Variants in ZSCAN23 observed in about 807,000 individuals in gnomAD.
ZSCAN23 encodes the protein zinc finger and SCAN domain containing 23, also known as zinc finger and SCAN domain-containing protein 23.
ZSCAN23 carries 19 observed loss-of-function variants against 19.3 expected under a neutral mutation model. The observed-to-expected ratio is 0.99, with a 90% CI of 0.69 to 1.45. The LOEUF is 1.45. Ranked by LOEUF, ZSCAN23 falls within the 40% of genes most tolerant of loss-of-function variation. The probability of loss-of-function intolerance (pLI) is 0.00; values close to 1 mark genes in which losing one functional copy is unlikely to be tolerated. For synonymous variants in ZSCAN23, 140 were observed against 166.2 expected (o/e 0.84, Z 1.21); for missense variants, 372 against 462.5 (o/e 0.80, Z 1.79).
At chr6:28,425,062 G>C in the ZSCAN23 span, among the ~76,000 whole-genome samples, 1 of 152,098 alleles carries the variant, frequency 6.6e-6, no homozygotes, top group Non-Finnish European at 1.5e-5. Flanking sequence ...TTGATCTGTG[G>C]GCTGTGGAAT....
Position 28,436,322 on chromosome 6 carries a change from T to A in ZSCAN23, c.-56A>T. On this transcript the variant is annotated 5_prime_UTR_variant, in exon 2 of 4. Transcript: ENST00000289788. The stretch of plus-strand genomic sequence containing the variant: ...ATTCTTGATAATTCTCCCTTGATCT[T>A]TTCTTCTGGAAACCCCGAGATCTAG... 2.2e-6 allele frequency: 3 copies of A among 1,384,032 alleles called. No individual in the cohort carries two copies. Among genetic ancestry groups the A allele is most frequent in the East Asian group, 2.7e-5 (1 of 37,470 alleles). 85.7% of individuals were successfully genotyped at this position (1,384,032 alleles called of 1,614,324 possible). A position where few individuals can be genotyped will look rare whatever the true frequency, so the allele number is the denominator to read the frequency against.
intron 1 of ZSCAN23, among the ~76,000 whole-genome samples, chr6:28,440,646 G>A (rs1174854112): frequency 6.6e-6 from 1 of 152,112 alleles, no homozygotes; most frequent in East Asian, 1.9e-4. Context: ...GTCCGAAAAT[G>A]TCTTTTTCTT....
downstream of ZSCAN23, among the ~76,000 whole-genome samples, chr6:28,428,928 A>G (rs1761703626): frequency 6.6e-6 from 1 of 152,160 alleles, no homozygotes; most frequent in African/African-American, 2.4e-5. Flanking sequence ...TAAACTTTAA[A>G]TTCCTCAGCA....
At chr6:28,431,426 C>A (rs1226502640), downstream of ZSCAN23, among the ~76,000 whole-genome samples, 1 of 152,116 alleles carries the variant, frequency 6.6e-6, no homozygotes, top group African/African-American at 2.4e-5. Context: ...CCAGATTGGA[C>A]AATAAATTAT....
rs533079463 is a variant in ZSCAN23, at chr6:28,435,089, G to A, written c.557-11C>T. 5.1e-4 allele frequency: 774 copies of A among 1,511,810 alleles called. 1 individual carries two copies. Among genetic ancestry groups the A allele is most frequent in the Non-Finnish European group, 6.7e-4 (751 of 1,128,754 alleles). 93.6% of individuals were successfully genotyped at this position (1,511,810 alleles called of 1,614,324 possible). A position where few individuals can be genotyped will look rare whatever the true frequency, so the allele number is the denominator to read the frequency against. Reference sequence around the variant, plus strand: ...TCCCAGCCTTGCCATCTAAAATAACGATAACATGAAAGATAACATGAAGTA... The same window carrying A: ...TCCCAGCCTTGCCATCTAAAATAACAATAACATGAAAGATAACATGAAGTA... On this transcript the variant is annotated splice_polypyrimidine_tract_variant and intron_variant, in intron 3 of 3. Coordinates refer to ENST00000289788, the MANE Select transcript of ZSCAN23 (RefSeq NM_001012455.2).
downstream of ZSCAN23, among the ~76,000 whole-genome samples, chr6:28,427,586 T>G (rs1422311931): frequency 6.6e-6 from 1 of 152,164 alleles, no homozygotes; most frequent in Admixed American, 6.5e-5. Context: ...TATTTGTATA[T>G]CTAAACATAT....
intron 1 of ZSCAN23, among the ~76,000 whole-genome samples, chr6:28,436,784 G>A (rs1469440116): frequency 6.6e-6 from 1 of 152,144 alleles, no homozygotes; most frequent in African/African-American, 2.4e-5. Flanking sequence ...CGTAAGAAAT[G>A]CACTTGGAGA....
At chr6:28,424,913 G>A in the ZSCAN23 span, among the ~76,000 whole-genome samples, 17 of 152,286 alleles carry the variant, frequency 1.1e-4, no homozygotes, top group Admixed American at 3.3e-4. Context: ...GTTCTTAATT[G>A]CATCTAGAAT....
At chr6:28,429,160 A>G (rs1308513316), downstream of ZSCAN23, among the ~76,000 whole-genome samples, 8 of 152,090 alleles carry the variant, frequency 5.3e-5, no homozygotes, top group Admixed American at 4.6e-4. Context: ...AGTTATCTTT[A>G]ACGTTCCACC....
chr6:28,431,392 C>T (rs1761759219), downstream of ZSCAN23, among the ~76,000 whole-genome samples: 1 of 152,152 alleles, frequency 6.6e-6, no homozygotes, highest in Non-Finnish European at 1.5e-5. Flanking sequence ...TTATTAACAG[C>T]ACTCCTTTTC....
intron 1 of ZSCAN23, among the ~76,000 whole-genome samples, chr6:28,437,095 T>C (rs566190495): frequency 6.6e-6 from 1 of 152,366 alleles, no homozygotes; most frequent in South Asian, 2.1e-4. Context: ...ATTTTTCTTA[T>C]GTTATTGTAT....
At chr6:28,435,730 G>C (rs1761869526) in intron 2 of ZSCAN23, 123 bp from the exon 3 acceptor site, 3 of 1,423,970 alleles carry the variant, frequency 2.1e-6, no homozygotes, top group Non-Finnish European at 2.8e-6. Flanking sequence ...CAGAGGCAGA[G>C]AGACTAAAAG....
At chr6:28,423,867 TA>T in the ZSCAN23 span, among the ~76,000 whole-genome samples, 13 of 146,884 alleles carry the variant, frequency 8.9e-5, no homozygotes, top group African/African-American at 7.5e-5. Flanking sequence ...AGTGTGAAGG[TA>T]AAAAAAAAAA....
the ZSCAN23 span, among the ~76,000 whole-genome samples, chr6:28,421,633 C>G: frequency 6.6e-6 from 1 of 152,142 alleles, no homozygotes; most frequent in Non-Finnish European, 1.5e-5. Flanking sequence ...TTTGATCAAG[C>G]CTGTACATTA....
downstream of ZSCAN23, among the ~76,000 whole-genome samples, chr6:28,428,702 G>A (rs941778164): frequency 1.3e-5 from 2 of 152,086 alleles, no homozygotes; most frequent in Admixed American, 6.6e-5. Context: ...TTTCTAGAAA[G>A]CTAGTAAGAT....
chr6:28,436,125 G>A lies in ZSCAN23; in HGVS notation c.142C>T (p.Arg48Cys), dbSNP rs770794765. 46 of 1,609,844 alleles carry A rather than the reference G, an allele frequency of 2.9e-5. No individual in the cohort carries two copies. Among genetic ancestry groups the A allele is most frequent in the Non-Finnish European group, 3.7e-5 (44 of 1,177,896 alleles). ...RNNPHTREIF[R>C]RRFRQFCYQE... is the part of the protein sequence containing the mutation. ...TAGCAGAACTGCCTGAAGCGTCTAC[G>A]AAAGATCTCTCTGGTATGAGGGTTA... Residue 48 changes from arginine (R) to cysteine (C), a missense_variant, in exon 2 of 4, where the codon CGT (arginine) becomes TGT (cysteine). Transcript: ENST00000289788.
At chr6:28,430,644 G>A (rs1761744686), downstream of ZSCAN23, among the ~76,000 whole-genome samples, 1 of 152,118 alleles carries the variant, frequency 6.6e-6, no homozygotes, top group African/African-American at 2.4e-5. Context: ...CAGGGGTGAT[G>A]AGGGGAGGCC....
the ZSCAN23 span, among the ~76,000 whole-genome samples, chr6:28,421,595 A>G: frequency 6.6e-6 from 1 of 152,322 alleles, no homozygotes; most frequent in African/African-American, 2.4e-5. Context: ...CATTAAATTT[A>G]TCTGGTCAAA....
chr6:28,429,812 G>A (rs528466234), downstream of ZSCAN23, among the ~76,000 whole-genome samples: 1 of 152,316 alleles, frequency 6.6e-6, no homozygotes, highest in Non-Finnish European at 1.5e-5. Flanking sequence ...GTTATCTCTG[G>A]ATCGCTGAGA....
Sources: allele counts gnomAD v4.1 joint callset (sites outside exome capture counted in the v4.1 genomes callset), GRCh38; gene constraint gnomAD v4.1.1; transcripts MANE v1.5; gene names NCBI Gene and HGNC (gene_info 2026-07-23, HGNC 2026-07-21).